SNX24: variants seen among roughly 807,000 people sequenced by gnomAD.
SNX24 encodes the protein sorting nexin 24, also known as sorting nexin-24.
Under a neutral mutation model 28.7 loss-of-function variants are expected in SNX24, and 22 were observed. The ratio of observed to expected loss-of-function variants is 0.77; its 90% CI spans 0.55 to 1.10. The LOEUF is 1.10. Among genes scored for constraint, SNX24 ranks in the 50% least tolerant of loss-of-function variants. The pLI, the probability that SNX24 is intolerant of heterozygous loss-of-function variation, is 0.00. For synonymous variants in SNX24, 69 were observed against 71.5 expected, an observed-to-expected ratio of 0.96 and a Z score of 0.18; for missense variants, 221 against 201.1, an observed-to-expected ratio of 1.10 and a Z score of -0.60.
chr5:122,953,099 T>C (rs908818121), intron 3 of SNX24, among the ~76,000 whole-genome samples: 40 of 151,808 alleles, frequency 2.6e-4, no homozygotes, highest in Non-Finnish European at 5.3e-4. Context: ...CCCTTTCCTT[T>C]CCTTTCCTTT....
intron 1 of SNX24, among the ~76,000 whole-genome samples, chr5:122,919,995 G>T (rs1758352353): frequency 6.6e-6 from 1 of 152,218 alleles, no homozygotes; most frequent in Non-Finnish European, 1.5e-5. Context: ...ATGAGGGCAG[G>T]TGTTTGTTTA....
chr5:122,978,315 T>G (rs950481204), intron 3 of SNX24, among the ~76,000 whole-genome samples: 1 of 152,220 alleles, frequency 6.6e-6, no homozygotes, highest in African/African-American at 2.4e-5. Context: ...AGTATTTGAT[T>G]AATAAGTAAC....
chr5:122,846,030 C>T (rs536016838), intron 1 of SNX24, among the ~76,000 whole-genome samples: 1 of 152,214 alleles, frequency 6.6e-6, no homozygotes, highest in African/African-American at 2.4e-5. Flanking sequence ...CAGCTGCCCC[C>T]TCAGTCCAGA....
At chr5:122,881,343 C>T (rs1293250731) in intron 1 of SNX24, among the ~76,000 whole-genome samples, 4 of 152,102 alleles carry the variant, frequency 2.6e-5, no homozygotes, top group Non-Finnish European at 5.9e-5. Context: ...TCAGAAGTGA[C>T]AGCTGTATGA....
chr5:122,891,720 G>A (rs983902626), intron 1 of SNX24, among the ~76,000 whole-genome samples: 1 of 152,182 alleles, frequency 6.6e-6, no homozygotes, highest in Non-Finnish European at 1.5e-5. Context: ...ATTTACTTAT[G>A]TAGAGACTTA....
chr5:122,872,423 A>G (rs1214368090), intron 1 of SNX24, among the ~76,000 whole-genome samples: 1 of 152,058 alleles, frequency 6.6e-6, no homozygotes, highest in East Asian at 1.9e-4. Flanking sequence ...CCGTTTATAA[A>G]AAGTTCTTTT....
rs537576398 is a variant in SNX24 at position 122,876,103 on chromosome 5, C to A, written c.60+30410C>A. ...CAAGTGATCCACCTGCCTTGGCCTC[C>A]CAAAGTGCTAGGATTACAGGCATGA... On this transcript the variant is annotated intron_variant, in intron 1 of 6. Coordinates refer to ENST00000261369, the MANE Select transcript of SNX24 (RefSeq NM_014035.4). 4.1e-4 allele frequency among the ~76,000 whole-genome samples: 62 copies of A among 152,316 alleles called. No homozygotes were observed. The South Asian group carries it at 0.011, about 26-fold the overall frequency.
rs75909501 is a variant in SNX24, at chr5:122,883,434, C to T, written c.60+37741C>T. Among the ~76,000 whole-genome samples, 1,291 of 152,208 alleles carry T rather than the reference C, an allele frequency of 8.5e-3. 9 individuals are homozygous for T. Among genetic ancestry groups the T allele is most frequent in the East Asian group, 0.059 (306 of 5,172 alleles). On this transcript the variant is annotated intron_variant, in intron 1 of 6. Coordinates refer to ENST00000261369, the MANE Select transcript of SNX24 (RefSeq NM_014035.4). ...TTATTGAACAGAAATGAACAAATGG[C>T]ATATCTTCCTAGATACTATTACCAT...
chr5:123,010,878 C>T (rs1257107831), downstream of SNX24, among the ~76,000 whole-genome samples: 2 of 151,342 alleles, frequency 1.3e-5, no homozygotes, highest in Admixed American at 6.6e-5. Flanking sequence ...AATATCTTGG[C>T]AATCTTTCTG....
chr5:122,962,786 A>T (rs1004431254), intron 3 of SNX24, among the ~76,000 whole-genome samples: 3 of 152,262 alleles, frequency 2.0e-5, no homozygotes, highest in African/African-American at 7.2e-5. Flanking sequence ...TGGGCTTAAA[A>T]CATAAAACTT....
chr5:123,004,910 A>G (rs974837229), intron 6 of SNX24, among the ~76,000 whole-genome samples: 11 of 152,224 alleles, frequency 7.2e-5, no homozygotes, highest in Non-Finnish European at 1.5e-5. Flanking sequence ...AGCAAAAACC[A>G]ACAAAAATAA....
chr5:123,023,807 A>ATCACACACACACAC, intron 5 of SNX24: 1 of 1,293,846 alleles, frequency 7.7e-7, no homozygotes. Context: ...AAGACAACAC[A>ATCACACACACACAC]ACACACACAC....
chr5:122,947,335 A>C (rs1209937523), intron 3 of SNX24, among the ~76,000 whole-genome samples: 1 of 152,034 alleles, frequency 6.6e-6, no homozygotes, highest in Non-Finnish European at 1.5e-5. Flanking sequence ...AGATGAGGGG[A>C]GGCTGACTCC....
chr5:123,014,769 C>T (rs1458317317), intron 5 of SNX24, among the ~76,000 whole-genome samples: 1 of 152,174 alleles, frequency 6.6e-6, no homozygotes, highest in Non-Finnish European at 1.5e-5. Context: ...ATTTCTGCTG[C>T]CCTCTCCGAG....
intron 1 of SNX24, among the ~76,000 whole-genome samples, chr5:122,929,174 A>T (rs2150110149): frequency 6.6e-6 from 1 of 152,182 alleles, no homozygotes; most frequent in South Asian, 2.1e-4. Context: ...CCTCCTTCAG[A>T]GGTGTCTCTT....
intron 1 of SNX24, among the ~76,000 whole-genome samples, chr5:122,885,010 G>T (rs1756645411): frequency 6.6e-6 from 1 of 152,210 alleles, no homozygotes; most frequent in Non-Finnish European, 1.5e-5. Context: ...TTATGGAAAA[G>T]AACATGTTGA....
At chr5:122,926,051 TA>T (rs5871016) in intron 1 of SNX24, among the ~76,000 whole-genome samples, 54,165 of 151,868 alleles carry the variant, frequency 0.36, 10,307 homozygotes, top group African/African-American at 0.46. Flanking sequence ...CAGACCATGG[TA>T]AATGCACAGA....
chr5:122,937,975 G>A (rs1044596254), intron 2 of SNX24, among the ~76,000 whole-genome samples: 1 of 152,074 alleles, frequency 6.6e-6, no homozygotes, highest in African/African-American at 2.4e-5. Context: ...CCTACTGTGG[G>A]ATTAAAACCA....
chr5:122,873,914 G>A (rs528221738), intron 1 of SNX24, among the ~76,000 whole-genome samples: 20 of 151,858 alleles, frequency 1.3e-4, no homozygotes, highest in Non-Finnish European at 2.2e-4. Flanking sequence ...TACAGGCACC[G>A]GCCACCACGT....
Sources: gnomAD v4.1 joint callset for allele counts (sites outside exome capture counted in the v4.1 genomes callset) on GRCh38, gnomAD v4.1.1 for gene constraint, MANE v1.5 for transcripts, NCBI Gene and HGNC (gene_info 2026-07-23, HGNC 2026-07-21) for gene names.